LOC128462377: variants seen among roughly 807,000 people sequenced by gnomAD.
chr16:89,356,797 A>G, the LOC128462377 span, among the ~76,000 whole-genome samples: 1 of 147,432 alleles, frequency 6.8e-6, no homozygotes, highest in Non-Finnish European at 1.5e-5. Context: ...AAAAAAAAAG[A>G]AAAAAGAAAA....
chr16:89,364,185 A>G, the LOC128462377 span, among the ~76,000 whole-genome samples: 1 of 152,202 alleles, frequency 6.6e-6, no homozygotes, highest in African/African-American at 2.4e-5. Context: ...GCCCACGAGG[A>G]CCCTGCCACT....
chr16:89,361,642 C>T, the LOC128462377 span: 1 of 152,152 alleles, frequency 6.6e-6, no homozygotes, highest in Non-Finnish European at 1.5e-5. Context: ...GTGGGACTGC[C>T]AGCAAAGGAC....
chr16:89,396,757 G>A, the LOC128462377 span, among the ~76,000 whole-genome samples: 1 of 152,136 alleles, frequency 6.6e-6, no homozygotes, highest in Non-Finnish European at 1.5e-5. Flanking sequence ...CGCCATCTTG[G>A]CTCACTGCAA....
the LOC128462377 span, among the ~76,000 whole-genome samples, chr16:89,366,295 C>A: frequency 1.3e-5 from 2 of 152,062 alleles, no homozygotes; most frequent in South Asian, 2.1e-4. Context: ...GACATTCGCC[C>A]GCATGTGTCT....
chr16:89,416,942 T>A, the LOC128462377 span, among the ~76,000 whole-genome samples: 2 of 152,012 alleles, frequency 1.3e-5, no homozygotes, highest in African/African-American at 4.8e-5. Context: ...GGCACCCCTT[T>A]TATCACAACC....
the LOC128462377 span, among the ~76,000 whole-genome samples, chr16:89,361,195 T>C: frequency 6.6e-6 from 1 of 152,304 alleles, no homozygotes; most frequent in East Asian, 1.9e-4. Context: ...CCACCACCTC[T>C]GCGCACCCCT....
chr16:89,407,047 A>G, the LOC128462377 span, among the ~76,000 whole-genome samples: 10 of 151,990 alleles, frequency 6.6e-5, no homozygotes, highest in African/African-American at 2.4e-4. Context: ...TTAGCCGGAC[A>G]TGGTGGCAGG....
the LOC128462377 span, among the ~76,000 whole-genome samples, chr16:89,400,975 G>C: frequency 6.6e-6 from 1 of 152,296 alleles, no homozygotes; most frequent in South Asian, 2.1e-4. Context: ...CCCCGGGGCT[G>C]CCTGGCATGG....
At chr16:89,326,429 C>T in the LOC128462377 span, among the ~76,000 whole-genome samples, 1 of 152,032 alleles carries the variant, frequency 6.6e-6, no homozygotes, top group African/African-American at 2.4e-5. Flanking sequence ...ACCACCCACC[C>T]ACTGCTCAAT....
chr16:89,330,297 C>G, the LOC128462377 span, among the ~76,000 whole-genome samples: 1 of 152,072 alleles, frequency 6.6e-6, no homozygotes, highest in Non-Finnish European at 1.5e-5. Flanking sequence ...CCTGACAGCA[C>G]GCAGCTTCTG....
At chr16:89,361,938 G>A in the LOC128462377 span, among the ~76,000 whole-genome samples, 2 of 152,218 alleles carry the variant, frequency 1.3e-5, no homozygotes, top group Admixed American at 1.3e-4. Context: ...GGTATGAGCT[G>A]GCACAGCCTT....
At chr16:89,381,900 C>G in the LOC128462377 span, among the ~76,000 whole-genome samples, 3 of 152,234 alleles carry the variant, frequency 2.0e-5, no homozygotes, top group African/African-American at 7.2e-5. Flanking sequence ...TGACCACAGT[C>G]CAGCCGACTG....
At chr16:89,379,289 A>G in the LOC128462377 span, among the ~76,000 whole-genome samples, 1 of 152,212 alleles carries the variant, frequency 6.6e-6, no homozygotes, top group Non-Finnish European at 1.5e-5. Flanking sequence ...TCTCACAAAG[A>G]CCTTGTGCCA....
chr16:89,333,068 G>C, the LOC128462377 span, among the ~76,000 whole-genome samples: 1 of 152,126 alleles, frequency 6.6e-6, no homozygotes, highest in African/African-American at 2.4e-5. Flanking sequence ...GCCCCTGTGG[G>C]GCATGCAGAA....
chr16:89,389,877 G>T, the LOC128462377 span, among the ~76,000 whole-genome samples: 2 of 117,726 alleles, frequency 1.7e-5, no homozygotes, highest in African/African-American at 6.8e-5. Flanking sequence ...TCACTGGGGC[G>T]AACACCGAGT....
the LOC128462377 span, among the ~76,000 whole-genome samples, chr16:89,333,851 C>T: frequency 2.0e-5 from 3 of 152,202 alleles, no homozygotes; most frequent in African/African-American, 4.8e-5. Context: ...CAGAAAGGGA[C>T]GGTATTATTC....
At chr16:89,325,760 CAG>C in the LOC128462377 span, among the ~76,000 whole-genome samples, 1 of 152,154 alleles carries the variant, frequency 6.6e-6, no homozygotes, top group Non-Finnish European at 1.5e-5. Context: ...CAGAAGGTGA[CAG>C]AGATAAAGGC....
chr16:89,383,678 G>A, the LOC128462377 span, among the ~76,000 whole-genome samples: 9 of 151,926 alleles, frequency 5.9e-5, no homozygotes, highest in African/African-American at 1.9e-4. Flanking sequence ...GACCAGCAAC[G>A]CAGCAGACGT....
chr16:89,351,374 G>C, the LOC128462377 span, among the ~76,000 whole-genome samples: 1 of 152,318 alleles, frequency 6.6e-6, no homozygotes, highest in Non-Finnish European at 1.5e-5. Flanking sequence ...AGCAGGATGA[G>C]GCTGTCCTTG....
Sources: gnomAD v4.1 joint callset for allele counts (sites outside exome capture counted in the v4.1 genomes callset) on GRCh38, gnomAD v4.1.1 for gene constraint, MANE v1.5 for transcripts.